NTM: variants seen among roughly 807,000 people sequenced by gnomAD.
NTM encodes neurotrimin, also known as IgLON family member 2.
A neutral mutation model predicts 42.1 loss-of-function variants in NTM; 13 were observed. That is an observed-to-expected ratio of 0.31 (90% confidence interval 0.20 to 0.49). The LOEUF (loss-of-function observed/expected upper bound fraction) is 0.49, where lower values mean the gene tolerates loss of function less well. Among genes scored for constraint, NTM ranks in the 20% least tolerant of loss-of-function variants. The pLI is 0.99. For missense variants in NTM, 373 were observed against 452.8 expected, an observed-to-expected ratio of 0.82 and a Z score of 1.60; for synonymous variants, 187 against 179.2, an observed-to-expected ratio of 1.04 and a Z score of -0.35.
intron 1 of NTM, among the ~76,000 whole-genome samples, chr11:131,593,232 C>T (rs560418860): frequency 1.2e-4 from 19 of 152,204 alleles, no homozygotes; most frequent in Non-Finnish European, 2.8e-4. Flanking sequence ...CCATTAGTTC[C>T]TCTAATTGCT....
chr11:131,733,161 T>C (rs77969857), intron 1 of NTM, among the ~76,000 whole-genome samples: 4,313 of 152,276 alleles, frequency 0.028, 225 homozygotes, highest in African/African-American at 0.098. Flanking sequence ...TATTGACAAA[T>C]ATTAACCAAA....
At chr11:132,279,189 C>T (rs972693502) in intron 4 of NTM, among the ~76,000 whole-genome samples, 1 of 152,044 alleles carries the variant, frequency 6.6e-6, no homozygotes, top group Non-Finnish European at 1.5e-5. Context: ...AATTAATATC[C>T]AAGTCCCATC....
rs150583885 is a variant in NTM at position 131,512,315 on chromosome 11, G to T, written c.82+141427G>T. On this transcript the variant is annotated intron_variant, in intron 1 of 8. Coordinates refer to ENST00000683400, the MANE Select transcript of NTM (RefSeq NM_001352005.2). ...CTTTCTGAATATATTTAAAATCTTT[G>T]TCCATGTCCTTGCTGCCAGCTCCTA... Among the ~76,000 whole-genome samples, 705 of 152,256 alleles carry T rather than the reference G, an allele frequency of 4.6e-3. 5 individuals carry two copies. The highest frequency in any genetic ancestry group is 0.016 in the African/African-American group (664 of 41,548).
intron 2 of NTM, among the ~76,000 whole-genome samples, chr11:131,974,443 A>T (rs1235705713): frequency 6.6e-6 from 1 of 152,226 alleles, no homozygotes; most frequent in Admixed American, 6.5e-5. Flanking sequence ...TTGAACAGTG[A>T]TGAGCATTTG....
chr11:132,061,737 C>A (rs1168259523), intron 2 of NTM, among the ~76,000 whole-genome samples: 1 of 152,122 alleles, frequency 6.6e-6, no homozygotes, highest in East Asian at 1.9e-4. Context: ...TCACAGGAGA[C>A]CTCAGGCAGT....
In NTM at chr11:131,605,924, A is replaced by T. The variant is rs1592201637; in HGVS notation, c.82+235036A>T. The T allele has an allele frequency of 3.1e-6, 3 of 965,212 alleles. No homozygotes were observed. The African/African-American group carries it at 5.3e-5, about 17-fold the overall frequency. 59.8% of individuals were successfully genotyped at this position (965,212 alleles called of 1,614,324 possible). A position where few individuals can be genotyped will look rare whatever the true frequency, so the allele number is the denominator to read the frequency against. ...GTTTCAATTCTGTGCTTTCTCTTTTATGTTACTTATTTAAAATTGTAAATA... is the reference window on the plus strand; with the variant it reads ...GTTTCAATTCTGTGCTTTCTCTTTTTTGTTACTTATTTAAAATTGTAAATA... On this transcript the variant is annotated intron_variant, in intron 1 of 8. Coordinates refer to ENST00000683400, the MANE Select transcript of NTM (RefSeq NM_001352005.2).
intron 3 of NTM, among the ~76,000 whole-genome samples, chr11:132,152,871 T>C (rs2137458214): frequency 6.6e-6 from 1 of 152,336 alleles, no homozygotes; most frequent in South Asian, 2.1e-4. Context: ...GGCATTTTCT[T>C]TTCCTTTTGG....
intron 1 of NTM, among the ~76,000 whole-genome samples, chr11:131,593,617 C>T (rs1305723367): frequency 6.6e-6 from 1 of 152,236 alleles, no homozygotes; most frequent in Non-Finnish European, 1.5e-5. Context: ...ACCTCTGCTT[C>T]ATAGATGAGA....
intron 2 of NTM, among the ~76,000 whole-genome samples, chr11:132,080,366 G>A (rs572828077): frequency 6.6e-6 from 1 of 152,224 alleles, no homozygotes; most frequent in Non-Finnish European, 1.5e-5. Context: ...TCAAAGAGCA[G>A]ACAGGGCTTA....
chr11:132,018,239 G>A (rs566230892), intron 2 of NTM, among the ~76,000 whole-genome samples: 1 of 150,618 alleles, frequency 6.6e-6, no homozygotes, highest in South Asian at 2.1e-4. Context: ...GTCCCATATT[G>A]CATGGGTAGA....
intron 1 of NTM, among the ~76,000 whole-genome samples, chr11:131,389,955 G>A (rs551388951): frequency 6.6e-6 from 1 of 152,314 alleles, no homozygotes; most frequent in African/African-American, 2.4e-5. Context: ...AGTTCCAGAT[G>A]CAACAGAGAG....
chr11:132,329,658 A>G (rs769099166), intron 7 of NTM, among the ~76,000 whole-genome samples: 7 of 152,250 alleles, frequency 4.6e-5, no homozygotes, highest in Non-Finnish European at 1.0e-4. Flanking sequence ...AAACTTTTGC[A>G]TTTCAAATAC....
At chr11:131,403,263 G>C (rs1297617652) in intron 1 of NTM, among the ~76,000 whole-genome samples, 1 of 152,122 alleles carries the variant, frequency 6.6e-6, no homozygotes, top group Non-Finnish European at 1.5e-5. Flanking sequence ...CCACCTCTGT[G>C]TCCCAAATGT....
intron 1 of NTM, among the ~76,000 whole-genome samples, chr11:131,659,221 G>A (rs1354060220): frequency 6.6e-6 from 1 of 152,210 alleles, no homozygotes; most frequent in African/African-American, 2.4e-5. Context: ...CTTCTCCCAT[G>A]AGTGTGGCCT....
intron 1 of NTM, among the ~76,000 whole-genome samples, chr11:131,591,331 A>AGCTGT (rs1189029205): frequency 1.1e-4 from 16 of 152,192 alleles, no homozygotes; most frequent in Non-Finnish European, 2.1e-4. Flanking sequence ...CGCAGAGACA[A>AGCTGT]GCTGTGCTGT....
intron 1 of NTM, among the ~76,000 whole-genome samples, chr11:131,705,701 T>C (rs2135233592): frequency 6.6e-6 from 1 of 152,166 alleles, no homozygotes; most frequent in South Asian, 2.1e-4. Flanking sequence ...ATCAATAACA[T>C]ATAATGTGGG....
chr11:132,154,832 T>G (rs1055977187), intron 3 of NTM, among the ~76,000 whole-genome samples: 2 of 152,240 alleles, frequency 1.3e-5, no homozygotes, highest in African/African-American at 4.8e-5. Flanking sequence ...GTATGAAATC[T>G]AATTGGCTTC....
At chr11:132,317,564 TACAAACTATATATG>T (rs2095463081) in intron 7 of NTM, 1 of 696,988 alleles carries the variant, frequency 1.4e-6, no homozygotes, top group Non-Finnish European at 2.2e-6. Context: ...AAAGGCAGTA[TACAAACTATATATG>T]ACAAATATAT....
chr11:132,296,927 T>C (rs1188769984), intron 4 of NTM, among the ~76,000 whole-genome samples: 1 of 152,176 alleles, frequency 6.6e-6, no homozygotes, highest in Non-Finnish European at 1.5e-5. Context: ...TGGTGCAGAA[T>C]AGATTTTGAG....
Sources: allele counts gnomAD v4.1 joint callset (sites outside exome capture counted in the v4.1 genomes callset), GRCh38; gene constraint gnomAD v4.1.1; transcripts MANE v1.5; gene names NCBI Gene and HGNC (gene_info 2026-07-23, HGNC 2026-07-21).